CRYBG1: variants seen among roughly 807,000 people sequenced by gnomAD.
The protein encoded by CRYBG1 is crystallin beta-gamma domain containing 1, also known as beta/gamma crystallin domain-containing protein 1.
In CRYBG1, 139 loss-of-function variants were observed where a neutral mutation model predicts 189.2. That is an observed-to-expected ratio of 0.73 (90% CI 0.64 to 0.85). CRYBG1 has a LOEUF of 0.85. CRYBG1 is among the 40% of genes least tolerant of loss of function. The pLI, the probability that CRYBG1 is intolerant of heterozygous loss-of-function variation, is 0.00. For synonymous variants in CRYBG1, 1,023 were observed against 1,017.1 expected, an observed-to-expected ratio of 1.01 and a Z score of -0.11; for missense variants, 2,611 against 2,675.8, an observed-to-expected ratio of 0.98 and a Z score of 0.53.
At chr6:106,462,401 C>T (rs112561148) in intron 2 of CRYBG1, among the ~76,000 whole-genome samples, 7,494 of 152,226 alleles carry the variant, frequency 0.049, 260 homozygotes, top group Middle Eastern at 0.075. Context: ...CCTCGTGATC[C>T]GCCCACCTCA....
Position 106,527,466 on chromosome 6 carries a change from T to C in CRYBG1, c.4574T>C (p.Val1525Ala), listed in dbSNP as rs758680944. ...GTGATTGGTTCCATCAGACATGTGG[T>C]TCAGGTAGGTTGTGGTAAATATGGA... ...PVVIGSIRHV[V>A]QDYRVSHIDL... The change falls in exon 7 of 22, where the codon GTT becomes GCT. Residue 1525 changes from valine (V) to alanine (A), a missense_variant. Val to Ala is a moderately conservative substitution (Grantham distance 64, BLOSUM62 0). Coordinates refer to ENST00000633556, the MANE Select transcript of CRYBG1 (RefSeq NM_001371242.2). 6.2e-7 allele frequency: 1 copy of C among 1,608,650 alleles called. No individual in the cohort carries two copies. Among genetic ancestry groups the C allele is most frequent in the Non-Finnish European group, 8.5e-7 (1 of 1,177,510 alleles).
intron 2 of CRYBG1, among the ~76,000 whole-genome samples, chr6:106,475,815 G>T (rs1772322616): frequency 6.6e-6 from 1 of 152,172 alleles, no homozygotes; most frequent in Non-Finnish European, 1.5e-5. Flanking sequence ...AGGCAGACCA[G>T]GGGATTCCTG....
chr6:106,528,455 T>G (rs1773803610), intron 7 of CRYBG1, among the ~76,000 whole-genome samples: 1 of 152,244 alleles, frequency 6.6e-6, no homozygotes, highest in African/African-American at 2.4e-5. Context: ...TTTTGAATTT[T>G]CTACCCTTTG....
intron 2 of CRYBG1, among the ~76,000 whole-genome samples, chr6:106,454,171 C>T (rs955949317): frequency 6.6e-6 from 1 of 152,166 alleles, no homozygotes; most frequent in Non-Finnish European, 1.5e-5. Flanking sequence ...CTCTTTTCAC[C>T]CTTGCTCTCT....
chr6:106,450,313 C>T (rs528886512), intron 1 of CRYBG1, among the ~76,000 whole-genome samples: 4 of 152,178 alleles, frequency 2.6e-5, no homozygotes, highest in African/African-American at 9.6e-5. Flanking sequence ...ATCTTCCTGC[C>T]CTTCTAAAGT....
intron 1 of CRYBG1, among the ~76,000 whole-genome samples, chr6:106,429,558 A>T (rs1283874578): frequency 1.3e-5 from 2 of 152,236 alleles, no homozygotes; most frequent in Non-Finnish European, 2.9e-5. Context: ...TGTGGGATAT[A>T]TTCCTTTCTG....
At chr6:106,433,523 A>G (rs540018907) in intron 1 of CRYBG1, among the ~76,000 whole-genome samples, 146 of 152,082 alleles carry the variant, frequency 9.6e-4, no homozygotes, top group Middle Eastern at 3.4e-3. Context: ...CGCTATAGCA[A>G]AAGAGTGGAG....
chr6:106,390,987 C>T (rs6922072), intron 1 of CRYBG1, among the ~76,000 whole-genome samples: 30,097 of 152,130 alleles, frequency 0.2, 3,062 homozygotes, highest in Middle Eastern at 0.28. Context: ...TCATTTAGTA[C>T]ATACTTTCAG....
intron 1 of CRYBG1, among the ~76,000 whole-genome samples, chr6:106,384,413 A>T (rs1770346130): frequency 6.6e-6 from 1 of 152,310 alleles, no homozygotes; most frequent in South Asian, 2.1e-4. Flanking sequence ...ACTACATTGT[A>T]ATATATAATG....
At chr6:106,396,772 C>G (rs1180714388) in intron 1 of CRYBG1, among the ~76,000 whole-genome samples, 3 of 152,208 alleles carry the variant, frequency 2.0e-5, no homozygotes, top group Non-Finnish European at 2.9e-5. Flanking sequence ...ACCTCTGCCT[C>G]CCAGGTTCAA....
chr6:106,487,727 A>G (rs12661391), intron 2 of CRYBG1, among the ~76,000 whole-genome samples: 28,059 of 151,970 alleles, frequency 0.18, 3,379 homozygotes, highest in East Asian at 0.39. Flanking sequence ...TCCTGCTTTC[A>G]TTGAATTGTC....
intron 1 of CRYBG1, among the ~76,000 whole-genome samples, chr6:106,385,884 T>C (rs1770379010): frequency 6.6e-6 from 1 of 152,190 alleles, no homozygotes; most frequent in Non-Finnish European, 1.5e-5. Context: ...GCTTTAGCAA[T>C]GCAGTTAGCC....
chr6:106,496,321 G>A (rs752001876), intron 2 of CRYBG1, among the ~76,000 whole-genome samples: 5 of 152,174 alleles, frequency 3.3e-5, no homozygotes, highest in African/African-American at 4.8e-5. Context: ...GGCGTTATTA[G>A]CCTTCCTTTT....
Position 106,499,319 on chromosome 6 carries a change from A to ATT in CRYBG1, c.313-12092_313-12091dup, listed in dbSNP as rs1162297886. Among the ~76,000 whole-genome samples the ATT allele has an allele frequency of 4.9e-3, 600 of 122,506 alleles. 4 individuals carry two copies. The highest frequency in any genetic ancestry group is 7.3e-3 in the African/African-American group (232 of 31,656). The allele number at this position is 122,506 out of a possible 152,430, so 80.4% of individuals were successfully genotyped here. ...AGGTGCCGGCCACCACACCCGGCTAATTTTTTTTTTTTTTTTTTTTAGTAG... is the reference window on the plus strand; with the variant it reads ...AGGTGCCGGCCACCACACCCGGCTAATTTTTTTTTTTTTTTTTTTTTTAGTAG... On this transcript the variant is annotated intron_variant, in intron 2 of 21. Transcript: ENST00000633556.
At position 106,537,737 on chromosome 6, in the gene CRYBG1, G is replaced by A. The variant is rs771120170; in HGVS notation, c.4719-1666G>A. ...TCGCAGAAACCCGTTTCTTTCATGCGTCCTCACGCCCTCTTCCCCAGGAAC... is the reference window on the plus strand; with the variant it reads ...TCGCAGAAACCCGTTTCTTTCATGCATCCTCACGCCCTCTTCCCCAGGAAC... On this transcript the variant is annotated intron_variant, in intron 8 of 21. Coordinates refer to ENST00000633556, the MANE Select transcript of CRYBG1 (RefSeq NM_001371242.2). 1.1e-4 allele frequency among the ~76,000 whole-genome samples: 17 copies of A among 152,240 alleles called. 1 individual carries two copies. The Middle Eastern group carries it at 0.014, about 122-fold the overall frequency.
chr6:106,395,108 T>C (rs1358302495), intron 1 of CRYBG1, among the ~76,000 whole-genome samples: 1 of 151,778 alleles, frequency 6.6e-6, no homozygotes, highest in Non-Finnish European at 1.5e-5. Flanking sequence ...AAAAAACTGC[T>C]TCTAGGCTGG....
At chr6:106,395,484 T>C (rs538004730) in intron 1 of CRYBG1, among the ~76,000 whole-genome samples, 2 of 152,130 alleles carry the variant, frequency 1.3e-5, no homozygotes, top group East Asian at 1.9e-4. Flanking sequence ...GTTTTTCAAA[T>C]AAATATGTAT....
rs766648767 is a variant in CRYBG1, at chr6:106,404,389, G to A, written c.173+43308G>A. ...GTGCTGGAATTCTAAGAGTTCTGCT[G>A]CTAATATCATTTAATTGATTTGGTA... is the stretch of plus-strand genomic sequence containing the variant. On this transcript the variant is annotated intron_variant, in intron 1 of 21. Transcript: ENST00000633556. 3.4e-4 allele frequency among the ~76,000 whole-genome samples: 52 copies of A among 152,278 alleles called. No homozygotes were observed. In the Middle Eastern group the frequency reaches 0.01, roughly 30 times the overall value.
chr6:106,437,164 T>A (rs1771476064), intron 1 of CRYBG1, among the ~76,000 whole-genome samples: 1 of 152,216 alleles, frequency 6.6e-6, no homozygotes, highest in Non-Finnish European at 1.5e-5. Flanking sequence ...TTAATTTGCA[T>A]ATAGGGAAGT....
Sources: allele counts gnomAD v4.1 joint callset (sites outside exome capture counted in the v4.1 genomes callset), GRCh38; gene constraint gnomAD v4.1.1; transcripts MANE v1.5; gene names NCBI Gene and HGNC (gene_info 2026-07-23, HGNC 2026-07-21).